The following FHDC1 variants were observed in gnomAD, a reference collection of about 807,000 sequenced individuals.
The protein encoded by FHDC1 is FH2 domain-containing protein 1.
Under a neutral mutation model 52.6 loss-of-function variants are expected in FHDC1, and 25 were observed. That is an observed-to-expected ratio of 0.48 (90% CI 0.35 to 0.66). FHDC1 has a LOEUF of 0.66. Ranked by LOEUF, FHDC1 falls within the 30% of genes least tolerant of loss-of-function variation. FHDC1 has a pLI of 0.01. For missense variants in FHDC1, 1,459 were observed against 1,452.8 expected, an observed-to-expected ratio of 1.00 and a Z score of -0.07; for synonymous variants, 616 against 581.5, an observed-to-expected ratio of 1.06 and a Z score of -0.85.
intron 4 of FHDC1, among the ~76,000 whole-genome samples, chr4:152,957,384 A>C (rs1740129536): frequency 1.3e-5 from 2 of 152,198 alleles, no homozygotes; most frequent in South Asian, 4.1e-4. Context: ...GCAATGTTTT[A>C]AGACACTCCT....
chr4:152,927,825 A>G, the FHDC1 span: 1 of 1,433,390 alleles, frequency 7.0e-7, no homozygotes, highest in Non-Finnish European at 9.8e-7. Flanking sequence ...ATTTCTCAAG[A>G]GAACAAGAAG....
At chr4:152,944,824 T>C (rs762946377) in intron 2 of FHDC1, among the ~76,000 whole-genome samples, 6 of 152,230 alleles carry the variant, frequency 3.9e-5, no homozygotes, top group Non-Finnish European at 8.8e-5. Context: ...TTATGCAAAG[T>C]CCTTTTATTT....
the FHDC1 span, among the ~76,000 whole-genome samples, chr4:152,930,998 CT>C: frequency 3.3e-5 from 3 of 90,936 alleles, no homozygotes; most frequent in Non-Finnish European, 6.7e-5. Flanking sequence ...CACACACACA[CT>C]CTCTCTCTCT....
In FHDC1 at chr4:152,972,359, T is replaced by A; in HGVS notation, c.1219-18T>A. The A allele has an allele frequency of 4.4e-6, 7 of 1,590,810 alleles. No homozygotes were observed. Among genetic ancestry groups the A allele is most frequent in the Non-Finnish European group, 6.0e-6 (7 of 1,172,934 alleles). ...TGACAACGTTTACCTCAGTGTGTGT[T>A]CGTTTGTTTTTCCGCAGTTTGCCAT... On this transcript the variant is annotated intron_variant, in intron 10 of 11. Coordinates refer to ENST00000511601, the MANE Select transcript of FHDC1 (RefSeq NM_001371116.1).
At chr4:152,963,844 G>A (rs981776820) in intron 8 of FHDC1, among the ~76,000 whole-genome samples, 4 of 121,236 alleles carry the variant, frequency 3.3e-5, no homozygotes, top group Admixed American at 1.1e-4. Context: ...GGAACAAAGT[G>A]GAAAATCAAG....
chr4:152,979,239 A>T lies in FHDC1; in HGVS notation c.*2516A>T, dbSNP rs752024196. The T allele has an allele frequency of 6.6e-6, 1 of 152,202 alleles. No homozygotes were observed. Among genetic ancestry groups the T allele is most frequent in the Non-Finnish European group, 1.5e-5 (1 of 68,070 alleles). 9.4% of individuals were successfully genotyped at this position (152,202 alleles called of 1,614,324 possible). A position where few individuals can be genotyped will look rare whatever the true frequency, so the allele number is the denominator to read the frequency against. ...TCACAGATGTGGGGCCATGGCCTCG[A>T]TGATGGTCTCCACAGGTCTTTCCAC... is the stretch of plus-strand genomic sequence containing the variant. On this transcript the variant is annotated 3_prime_UTR_variant, in exon 12 of 12. Coordinates refer to ENST00000511601, the MANE Select transcript of FHDC1 (RefSeq NM_001371116.1).
intron 1 of FHDC1, among the ~76,000 whole-genome samples, chr4:152,942,071 G>C (rs1739588882): frequency 1.3e-5 from 2 of 152,204 alleles, no homozygotes; most frequent in Admixed American, 6.5e-5. Context: ...GTTGGTGACT[G>C]TGTATAAGGG....
chr4:152,939,300 A>T (rs1739509339), intron 1 of FHDC1, among the ~76,000 whole-genome samples: 1 of 151,772 alleles, frequency 6.6e-6, no homozygotes, highest in South Asian at 2.1e-4. Flanking sequence ...GTGTGTGTTT[A>T]TGTGTGTGTG....
intron 2 of FHDC1, among the ~76,000 whole-genome samples, chr4:152,944,616 C>G (rs1171051366): frequency 6.6e-6 from 1 of 152,224 alleles, no homozygotes; most frequent in African/African-American, 2.4e-5. Flanking sequence ...CTTCTCTCCA[C>G]TAATTCACTG....
Position 152,972,601 on chromosome 4 carries a change from A to T in FHDC1, c.1383+60A>T, listed in dbSNP as rs371181707. 952 of 1,540,604 alleles carry T rather than the reference A, an allele frequency of 6.2e-4. 11 individuals carry two copies. In the South Asian group the frequency reaches 0.01, roughly 17 times the overall value. On this transcript the variant is annotated intron_variant, in intron 11 of 11. Transcript: ENST00000511601. ...TGGATTTTTATTTTCCTTCTTCTCGACCTAGTCATCTGCTCACCACAGAAA... is the reference window on the plus strand; with the variant it reads ...TGGATTTTTATTTTCCTTCTTCTCGTCCTAGTCATCTGCTCACCACAGAAA...
chr4:152,975,998 C>T lies in FHDC1; in HGVS notation c.2707C>T (p.Arg903Cys), dbSNP rs373342133. ...GACCGCCTCAGAGAACGAGAGCATG[C>T]GCAAGGTCATGCCCATCACCAAGTC... The part of the protein sequence containing the change: ...TLTASENESM[R>C]KVMPITKSSR... The change falls in exon 12 of 12, where the codon CGC (arginine) becomes TGC (cysteine). Residue 903 changes from arginine to cysteine, a missense_variant. Coordinates refer to ENST00000511601, the MANE Select transcript of FHDC1 (RefSeq NM_001371116.1). The T allele has an allele frequency of 4.0e-5, 61 of 1,533,412 alleles. No individual in the cohort carries two copies. Among genetic ancestry groups the T allele is most frequent in the Non-Finnish European group, 5.1e-5 (58 of 1,143,348 alleles). The allele number at this position is 1,533,412 out of a possible 1,614,324, so 95.0% of individuals were successfully genotyped here.
chr4:152,976,169 G>A lies in FHDC1; in HGVS notation c.2878G>A (p.Gly960Arg), dbSNP rs1165694893. 1.2e-6 allele frequency: 2 copies of A among 1,612,042 alleles called. No homozygotes were observed. The highest frequency in any genetic ancestry group is 1.7e-6 in the Non-Finnish European group (2 of 1,179,594). The change falls in exon 12 of 12, where the codon GGG becomes AGG. Residue 960 changes from glycine (G) to arginine (R), a missense_variant. By Grantham distance (125) the Gly-to-Arg change is moderately radical. Transcript: ENST00000511601. ...TGAEEQRLPR[G>R]SSGSSSTRPG... The stretch of plus-strand genomic sequence containing the variant: ...CGCCGAAGAGCAGAGGCTGCCGCGG[G>A]GGAGCAGCGGCTCCAGCAGCACCCG...
At chr4:152,968,667 G>A (rs988708790) in intron 10 of FHDC1, among the ~76,000 whole-genome samples, 11 of 152,132 alleles carry the variant, frequency 7.2e-5, no homozygotes, top group East Asian at 1.9e-4. Flanking sequence ...GTGCTTCTGC[G>A]AGGCTCCTGT....
chr4:152,962,746 G>A (rs1364919136), intron 6 of FHDC1, 68 bp from the exon 7 acceptor site: 2 of 1,297,116 alleles, frequency 1.5e-6, no homozygotes, highest in Admixed American at 1.7e-5. Context: ...CTTGGATGTG[G>A]TAGCTGTCTT....
At chr4:152,926,015 AGGTTT>A in the FHDC1 span, among the ~76,000 whole-genome samples, 2 of 152,118 alleles carry the variant, frequency 1.3e-5, no homozygotes, top group Non-Finnish European at 2.9e-5. Flanking sequence ...GGAAAAACAG[AGGTTT>A]CTCCCCAAAA....
Position 152,975,526 on chromosome 4 carries a change from C to T in FHDC1, c.2235C>T (p.Ala745=), listed in dbSNP as rs949069861. ...LSPALEDGKA[A]PDEPGSAALG... ...CAGCGCTGGAGGATGGCAAGGCTGC[C>T]CCCGATGAGCCTGGAAGTGCAGCTT... The change falls in exon 12 of 12, where the codon GCC becomes GCT. Residue 745 remains alanine, a synonymous_variant. Transcript: ENST00000511601. 4 of 1,613,396 alleles carry T rather than the reference C, an allele frequency of 2.5e-6. No homozygotes were observed. In the African/African-American group the frequency reaches 4.0e-5, roughly 16 times the overall value.
intron 4 of FHDC1, among the ~76,000 whole-genome samples, chr4:152,955,298 G>C (rs908750537): frequency 6.6e-6 from 1 of 151,948 alleles, no homozygotes; most frequent in Non-Finnish European, 1.5e-5. Context: ...TTGTTGAATG[G>C]TTAGGAGCTT....
intron 9 of FHDC1, 144 bp from the exon 10 acceptor site, chr4:152,967,836 C>A: frequency 1.6e-6 from 1 of 615,262 alleles, no homozygotes. Flanking sequence ...CACAAAAGAT[C>A]TAAATACAGG....
In FHDC1 at chr4:152,974,961, G is replaced by A; in HGVS notation, c.1670G>A (p.Ser557Asn). ...ADRELLTFLE[S>N]STGSPEEPNK... The stretch of plus-strand genomic sequence containing the variant: ...CGGGAGCTGCTGACCTTCTTGGAGA[G>A]CTCCACCGGCAGCCCTGAGGAGCCC... Residue 557 changes from serine (S) to asparagine (N), a missense_variant, in exon 12 of 12, where the codon AGC becomes AAC. This residue lies in a region of FHDC1 where 939 missense variants were observed against 854.5 expected (regional missense o/e 1.10). Coordinates refer to ENST00000511601, the MANE Select transcript of FHDC1 (RefSeq NM_001371116.1). 1.2e-6 allele frequency: 2 copies of A among 1,612,464 alleles called. No homozygotes were observed. The highest frequency in any genetic ancestry group is 1.7e-6 in the Non-Finnish European group (2 of 1,179,848).
Sources: allele counts gnomAD v4.1 joint callset (sites outside exome capture counted in the v4.1 genomes callset), GRCh38; gene constraint gnomAD v4.1.1; regional missense constraint gnomAD v4.1.1; transcripts MANE v1.5; gene names NCBI Gene and HGNC (gene_info 2026-07-23, HGNC 2026-07-21).